The following SEM1 variants were observed in gnomAD, a reference collection of about 807,000 sequenced individuals.
SEM1 encodes the protein SEM1 26S proteasome subunit, also known as 26S proteasome complex subunit SEM1.
In SEM1, 3 loss-of-function variants were observed where a neutral mutation model predicts 12.7. The observed-to-expected ratio is 0.24, with a 90% CI of 0.11 to 0.61. The LOEUF (loss-of-function observed/expected upper bound fraction) is 0.61, where lower values mean the gene tolerates loss of function less well. Ranked by LOEUF, SEM1 falls within the 20% of genes least tolerant of loss-of-function variation. The pLI, the probability that SEM1 is intolerant of heterozygous loss-of-function variation, is 0.88. For synonymous variants in SEM1, 30 were observed against 27.8 expected, an observed-to-expected ratio of 1.08 and a Z score of -0.25; for missense variants, 59 against 81.3, an observed-to-expected ratio of 0.73 and a Z score of 1.06.
intron 2 of SEM1, among the ~76,000 whole-genome samples, chr7:96,583,565 A>C (rs12538392): frequency 0.043 from 6,499 of 149,836 alleles, 460 homozygotes; most frequent in Admixed American, 0.099. Context: ...TAATGTTGAC[A>C]GTGGTGTGTT....
intron 1 of SEM1, among the ~76,000 whole-genome samples, chr7:96,706,989 G>C (rs1044986212): frequency 1.3e-5 from 2 of 152,182 alleles, no homozygotes; most frequent in Admixed American, 6.5e-5. Flanking sequence ...AAGTAAATCA[G>C]GGCATTAATA....
chr7:96,514,096 CAT>C (rs1276074721), intron 2 of SEM1, among the ~76,000 whole-genome samples: 2 of 152,068 alleles, frequency 1.3e-5, no homozygotes, highest in Non-Finnish European at 2.9e-5. Context: ...TTGCCACAAA[CAT>C]ATTTATTCAA....
chr7:96,499,479 C>T (rs1171823835), upstream of SEM1, among the ~76,000 whole-genome samples: 4 of 152,144 alleles, frequency 2.6e-5, no homozygotes, highest in Non-Finnish European at 4.4e-5. Flanking sequence ...TGACTCACAG[C>T]GGGCAGGAGG....
intron 2 of SEM1, among the ~76,000 whole-genome samples, chr7:96,660,836 A>G (rs1788979837): frequency 6.6e-6 from 1 of 152,190 alleles, no homozygotes; most frequent in Non-Finnish European, 1.5e-5. Flanking sequence ...GAAATTTCGA[A>G]CAAATGGAAT....
chr7:96,678,228 A>G (rs561432349), intron 2 of SEM1, among the ~76,000 whole-genome samples: 4 of 152,196 alleles, frequency 2.6e-5, no homozygotes, highest in East Asian at 1.9e-4. Flanking sequence ...ATTCTGCCCA[A>G]TGTGACCTTG....
intron 2 of SEM1, among the ~76,000 whole-genome samples, chr7:96,682,919 AG>A (rs1789656267): frequency 6.6e-6 from 1 of 152,196 alleles, no homozygotes; most frequent in African/African-American, 2.4e-5. Context: ...ACTTCTCAAA[AG>A]AAGACATTTA....
chr7:96,696,372 C>G (rs1293294702), intron 1 of SEM1: 1 of 151,950 alleles, frequency 6.6e-6, no homozygotes, highest in Non-Finnish European at 1.5e-5. Flanking sequence ...TATGACACTA[C>G]TGAGTAAACA....
At chr7:96,549,730 T>A (rs1484577603) in intron 2 of SEM1, among the ~76,000 whole-genome samples, 1 of 152,202 alleles carries the variant, frequency 6.6e-6, no homozygotes, top group Non-Finnish European at 1.5e-5. Context: ...CAGATATAAT[T>A]TGACTGCCAT....
At chr7:96,516,707 T>C (rs368696056) in intron 2 of SEM1, among the ~76,000 whole-genome samples, 2 of 152,274 alleles carry the variant, frequency 1.3e-5, no homozygotes, top group Non-Finnish European at 2.9e-5. Context: ...ATTCTTACCA[T>C]AGGATCCAGT....
intron 2 of SEM1, among the ~76,000 whole-genome samples, chr7:96,585,329 A>T (rs1806582291): frequency 6.6e-6 from 1 of 152,214 alleles, no homozygotes; most frequent in African/African-American, 2.4e-5. Flanking sequence ...GCCTGTTCTC[A>T]GATCCCAGCT....
intron 1 of SEM1, among the ~76,000 whole-genome samples, chr7:96,703,516 G>C (rs1284321684): frequency 1.3e-5 from 2 of 151,986 alleles, no homozygotes; most frequent in Non-Finnish European, 2.9e-5. Flanking sequence ...TTCTTCTCTA[G>C]GAGTTTATCT....
chr7:96,703,125 T>C (rs1435694953), intron 1 of SEM1, among the ~76,000 whole-genome samples: 2 of 152,188 alleles, frequency 1.3e-5, no homozygotes, highest in African/African-American at 4.8e-5. Flanking sequence ...ACCAGAAGTG[T>C]TTCAAATTTT....
chr7:96,573,839 T>C (rs1162455160), intron 2 of SEM1, among the ~76,000 whole-genome samples: 4 of 152,192 alleles, frequency 2.6e-5, no homozygotes, highest in Non-Finnish European at 5.9e-5. Context: ...GATAATATCC[T>C]GAAGAGTGTT....
At chr7:96,655,605 C>G (rs999169299) in intron 2 of SEM1, among the ~76,000 whole-genome samples, 2 of 152,042 alleles carry the variant, frequency 1.3e-5, no homozygotes. Flanking sequence ...TTAAATTGTA[C>G]AGTCCAAAAA....
intron 2 of SEM1, among the ~76,000 whole-genome samples, chr7:96,588,358 ACACACACACAC>A (rs1480319523): frequency 4.2e-5 from 1 of 23,604 alleles, no homozygotes; most frequent in African/African-American, 1.0e-4. Flanking sequence ...AAACAAACAC[ACACACACACAC>A]ACACACACAC....
At chr7:96,630,645 T>A (rs892124172) in intron 2 of SEM1, among the ~76,000 whole-genome samples, 1 of 152,294 alleles carries the variant, frequency 6.6e-6, no homozygotes, top group African/African-American at 2.4e-5. Context: ...AGGTGGCACC[T>A]AAGGTGCAAG....
At chr7:96,616,907 G>A (rs547124093) in intron 2 of SEM1, among the ~76,000 whole-genome samples, 2 of 151,992 alleles carry the variant, frequency 1.3e-5, no homozygotes, top group Admixed American at 6.6e-5. Flanking sequence ...TGATCTATAT[G>A]TCTATTTTTA....
rs369897084 is a variant in SEM1, at chr7:96,690,372, T to C, written c.171-1406A>G. ...GGGAGGTGGCTGGTCACTAACTGCATGTATAAATTGTTTACAATCACAAAC... is the reference window on the plus strand; with the variant it reads ...GGGAGGTGGCTGGTCACTAACTGCACGTATAAATTGTTTACAATCACAAAC... On this transcript the variant is annotated intron_variant, in intron 2 of 2. Transcript: ENST00000248566. Among the ~76,000 whole-genome samples the C allele has an allele frequency of 4.5e-4, 68 of 152,252 alleles. 1 individual carries two copies. Among genetic ancestry groups the C allele is most frequent in the African/African-American group, 1.5e-3 (64 of 41,560 alleles).
chr7:96,556,923 C>T (rs962501291), intron 2 of SEM1, among the ~76,000 whole-genome samples: 7 of 147,014 alleles, frequency 4.8e-5, no homozygotes, highest in Non-Finnish European at 9.0e-5. Context: ...CTTCCCTTCT[C>T]GCTTCATTTC....
Sources: allele counts gnomAD v4.1 joint callset (sites outside exome capture counted in the v4.1 genomes callset), GRCh38; gene constraint gnomAD v4.1.1; transcripts MANE v1.5; gene names NCBI Gene and HGNC (gene_info 2026-07-23, HGNC 2026-07-21).